The following DCHS2 variants were observed in gnomAD, a reference collection of about 807,000 sequenced individuals.
The protein encoded by DCHS2 is dachsous cadherin-related 2.
In DCHS2, 142 loss-of-function variants were observed where a neutral mutation model predicts 182.4. The observed-to-expected ratio is 0.78, with a 90% CI of 0.68 to 0.89. The LOEUF (loss-of-function observed/expected upper bound fraction) is 0.89. Ranked by LOEUF, DCHS2 falls within the 40% of genes least tolerant of loss-of-function variation. The probability of loss-of-function intolerance (pLI) is 0.00; values close to 1 mark genes in which losing one functional copy is unlikely to be tolerated. For missense variants in DCHS2, 4,319 were observed against 4,198.6 expected (o/e 1.03, Z -0.79); for synonymous variants, 1,740 against 1,663.3 (o/e 1.05, Z -1.12).
intron 1 of DCHS2, among the ~76,000 whole-genome samples, chr4:154,420,693 A>G (rs961466353): frequency 7.2e-5 from 11 of 152,096 alleles, no homozygotes; most frequent in African/African-American, 1.2e-4. Flanking sequence ...CTCACATTGG[A>G]TGAGGGCAGA....
At chr4:154,377,520 C>T in intron 1 of DCHS2, 76 bp from the exon 2 acceptor site, 3 of 1,217,954 alleles carry the variant, frequency 2.5e-6, no homozygotes, top group Non-Finnish European at 2.3e-6. Flanking sequence ...ATTATTAAAA[C>T]AATTTGCACA....
chr4:154,269,739 A>G (rs1336175879), intron 14 of DCHS2, among the ~76,000 whole-genome samples, 161 bp downstream of exon 14: 1 of 151,276 alleles, frequency 6.6e-6, no homozygotes, highest in African/African-American at 2.4e-5. Context: ...ATAAATAAAT[A>G]GTTTTTGATT....
intron 1 of DCHS2, among the ~76,000 whole-genome samples, chr4:154,434,340 T>G (rs931155300): frequency 4.6e-5 from 7 of 152,166 alleles, no homozygotes; most frequent in African/African-American, 1.7e-4. Flanking sequence ...GAGGATCGCT[T>G]GAGCCTGGGA....
Position 154,490,132 on chromosome 4 carries a change from G to A in DCHS2, c.1224C>T (p.Asp408=). The A allele has an allele frequency of 6.5e-7, 1 of 1,548,086 alleles. No homozygotes were observed. The highest frequency in any genetic ancestry group is 2.0e-5 in the Admixed American group (1 of 50,912). Residue 408 remains aspartate (D), a synonymous_variant, in exon 1 of 20, where the codon GAC becomes GAT. Transcript: ENST00000357232. The part of the protein sequence containing the change: ...RVSIAVLDVN[D]NRPAIHVLFL... ...AGAGCACGTGAATTGCTGGCCGGTT[G>A]TCATTCACGTCCAGCACGGCGATGG...
chr4:154,474,276 A>T (rs1735596936), intron 1 of DCHS2, among the ~76,000 whole-genome samples: 1 of 152,140 alleles, frequency 6.6e-6, no homozygotes, highest in African/African-American at 2.4e-5. Flanking sequence ...CCTATTTCTA[A>T]ATAAGGTCAC....
chr4:154,380,053 CA>C (rs1731099141), intron 1 of DCHS2, among the ~76,000 whole-genome samples: 1 of 152,080 alleles, frequency 6.6e-6, no homozygotes, highest in African/African-American at 2.4e-5. Context: ...TAACATCCTA[CA>C]ATGCATAAGA....
At position 154,322,333 on chromosome 4, in the gene DCHS2, G is replaced by C. The variant is rs1209532961; in HGVS notation, c.4174C>G (p.Gln1392Glu). The C allele has an allele frequency of 6.2e-7, 1 of 1,613,102 alleles. No homozygotes were observed. Among genetic ancestry groups the C allele is most frequent in the Non-Finnish European group, 8.5e-7 (1 of 1,179,644 alleles). Reference protein sequence around the residue: ...PLQGQAVVNIQVIPLSKGRAI... With the variant: ...PLQGQAVVNIEVIPLSKGRAI... ...ATATTTTATGGTGACAACATTACCT[G>C]AATATTAACAACTGCCTGTCCTTGA... Residue 1392 changes from glutamine (Q) to glutamate (E), a missense_variant and splice_region_variant, in exon 8 of 20, where the codon CAG (glutamine) becomes GAG (glutamate). Transcript: ENST00000357232.
chr4:154,333,165 G>A lies in DCHS2; in HGVS notation c.3043C>T (p.Arg1015Trp), dbSNP rs771102959. The A allele has an allele frequency of 3.2e-5, 52 of 1,614,078 alleles. No individual in the cohort carries two copies. The highest frequency in any genetic ancestry group is 1.6e-4 in the Middle Eastern group (1 of 6,084). ...DRDSGRNGLI[R>W]YSIASPQPGV... ...GGCTGCGGGCTGGCGATGGAGTACC[G>A]GATGAGTCCGTTCCGCCCACTGTCT... The change falls in exon 5 of 20, where the codon CGG (arginine) becomes TGG (tryptophan). Residue 1015 changes from arginine to tryptophan, a missense_variant. By Grantham distance (101) the Arg-to-Trp change is moderately radical. Coordinates refer to ENST00000357232, the MANE Select transcript of DCHS2 (RefSeq NM_001358235.2).
rs542636228 is a variant in DCHS2 at position 154,489,447 on chromosome 4, C to T, written c.1909G>A (p.Asp637Asn). ...GCAGAGAGTGGGGGCTCTCCGAGGTCCTGGGCCACCACTTTCAGCTCCACC... is the reference window on the plus strand; with the variant it reads ...GCAGAGAGTGGGGGCTCTCCGAGGTTCTGGGCCACCACTTTCAGCTCCACC... ...EAVELKVVAQ[D>N]LGEPPLSATC... Residue 637 changes from aspartate to asparagine, a missense_variant, in exon 1 of 20, where the codon GAC becomes AAC. Physicochemically the swap from Asp to Asn is conservative, Grantham distance 23. Coordinates refer to ENST00000357232, the MANE Select transcript of DCHS2 (RefSeq NM_001358235.2). The T allele has an allele frequency of 1.1e-4, 172 of 1,551,740 alleles. No individual in the cohort carries two copies. Among genetic ancestry groups the T allele is most frequent in the Non-Finnish European group, 1.3e-4 (147 of 1,147,002 alleles).
At chr4:154,467,901 T>C (rs1161703910) in intron 1 of DCHS2, among the ~76,000 whole-genome samples, 1 of 152,188 alleles carries the variant, frequency 6.6e-6, no homozygotes, top group African/African-American at 2.4e-5. Context: ...CTGTCATATG[T>C]TCATGCCAAG....
rs1731239762 is a variant in DCHS2 at position 154,232,479 on chromosome 4, T to G, written c.*2057A>C. On this transcript the variant is annotated 3_prime_UTR_variant, in exon 20 of 20. Coordinates refer to ENST00000357232, the MANE Select transcript of DCHS2 (RefSeq NM_001358235.2). ...ATCACATCCATAATGAGTAAATAAA[T>G]CACAGTAATAAATAACTAACTTAGG... 3 of 152,062 alleles carry G rather than the reference T, an allele frequency of 2.0e-5. No individual in the cohort carries two copies. The highest frequency in any genetic ancestry group is 6.6e-5 in the Admixed American group (1 of 15,218). 9.4% of individuals were successfully genotyped at this position (152,062 alleles called of 1,614,324 possible).
chr4:154,316,109 T>G, intron 9 of DCHS2, 122 bp from the exon 10 acceptor site: 7 of 1,432,190 alleles, frequency 4.9e-6, no homozygotes, highest in Non-Finnish European at 6.5e-6. Context: ...TGCTAAAATA[T>G]GAACTGCATT....
At chr4:154,373,519 C>A (rs530006841) in intron 2 of DCHS2, among the ~76,000 whole-genome samples, 2 of 152,170 alleles carry the variant, frequency 1.3e-5, no homozygotes, top group Non-Finnish European at 2.9e-5. Context: ...TATTCTGAGG[C>A]AAACATAAGG....
intron 1 of DCHS2, among the ~76,000 whole-genome samples, chr4:154,462,427 T>C (rs1234492710): frequency 6.6e-6 from 1 of 152,260 alleles, no homozygotes; most frequent in South Asian, 2.1e-4. Context: ...ATCACAAACA[T>C]GTAAGGTAGG....
At chr4:154,450,213 C>A (rs1209961081) in intron 1 of DCHS2, among the ~76,000 whole-genome samples, 1 of 152,152 alleles carries the variant, frequency 6.6e-6, no homozygotes, top group Admixed American at 6.6e-5. Context: ...CACTTCTTGG[C>A]TAGGAGGGCT....
chr4:154,266,645 G>A (rs1733278701), intron 14 of DCHS2, among the ~76,000 whole-genome samples: 1 of 107,974 alleles, frequency 9.3e-6, no homozygotes, highest in South Asian at 3.9e-4. Flanking sequence ...AACAGAGCAA[G>A]GCTCCGTCTC....
At chr4:154,372,453 C>T (rs1730687170) in intron 2 of DCHS2, among the ~76,000 whole-genome samples, 1 of 152,160 alleles carries the variant, frequency 6.6e-6, no homozygotes, top group Non-Finnish European at 1.5e-5. Flanking sequence ...CCGTTTACTT[C>T]CTTTCTTGCT....
intron 15 of DCHS2, 68 bp downstream of exon 15, chr4:154,259,477 C>T: frequency 1.3e-6 from 2 of 1,564,192 alleles, no homozygotes; most frequent in East Asian, 2.3e-5. Flanking sequence ...ATAATTCTCT[C>T]TCTCTCTCTC....
At position 154,268,468 on chromosome 4, in the gene DCHS2, C is replaced by T. The variant is rs145850621; in HGVS notation, c.6577+1432G>A. ...AAGGAGGATTTACTTCTGTGTGGGG[C>T]AGAGTAGGATAATGTGAGATTTCAT... On this transcript the variant is annotated intron_variant, in intron 14 of 19. Transcript: ENST00000357232. Among the ~76,000 whole-genome samples the T allele has an allele frequency of 3.4e-3, 513 of 152,250 alleles. 2 individuals are homozygous for T. Among genetic ancestry groups the T allele is most frequent in the African/African-American group, 0.011 (469 of 41,536 alleles).
Sources: allele counts gnomAD v4.1 joint callset (sites outside exome capture counted in the v4.1 genomes callset), GRCh38; gene constraint gnomAD v4.1.1; transcripts MANE v1.5; gene names NCBI Gene and HGNC (gene_info 2026-07-23, HGNC 2026-07-21).